The following NIBAN1 variants were observed in gnomAD, a reference collection of about 807,000 sequenced individuals.
The protein encoded by NIBAN1 is protein Niban 1.
A neutral mutation model predicts 75.1 loss-of-function variants in NIBAN1; 81 were observed. That is an observed-to-expected ratio of 1.08 (90% CI 0.90 to 1.30). The LOEUF is 1.30. Ranked by LOEUF, NIBAN1 falls within the 50% of genes most tolerant of loss-of-function variation. NIBAN1 has a pLI of 0.00. For missense variants in NIBAN1, 1,133 were observed against 1,128.1 expected (o/e 1.00, Z -0.06); for synonymous variants, 436 against 424.8 (o/e 1.03, Z -0.32).
At position 184,858,052 on chromosome 1, in the gene NIBAN1, A is replaced by G. The variant is rs551042688; in HGVS notation, c.602-26090T>C. On this transcript the variant is annotated intron_variant, in intron 5 of 13. Coordinates refer to ENST00000367511, the MANE Select transcript of NIBAN1 (RefSeq NM_052966.4). ...AAAAGCCATAAAAATAAAGATTAATATATTTGACTGCATAAAAATAGACAC... is the reference window on the plus strand; with the variant it reads ...AAAAGCCATAAAAATAAAGATTAATGTATTTGACTGCATAAAAATAGACAC... 2.6e-5 allele frequency among the ~76,000 whole-genome samples: 4 copies of G among 152,286 alleles called. No individual in the cohort carries two copies. The South Asian group carries it at 8.3e-4, about 32-fold the overall frequency.
intron 9 of NIBAN1, among the ~76,000 whole-genome samples, chr1:184,811,849 C>A (rs1042045344): frequency 1.3e-5 from 2 of 152,042 alleles, no homozygotes; most frequent in East Asian, 3.9e-4. Flanking sequence ...TGGCTAGGAA[C>A]GGTTTTGGCA....
chr1:184,974,238 C>A (rs950014601), intron 1 of NIBAN1, 64 bp downstream of exon 1: 67 of 1,422,450 alleles, frequency 4.7e-5, no homozygotes, highest in Non-Finnish European at 6.0e-5. Flanking sequence ...GGGGCCCCGA[C>A]CGCGGCAGCC....
chr1:184,921,329 A>G (rs1657527751), intron 1 of NIBAN1, among the ~76,000 whole-genome samples: 1 of 152,118 alleles, frequency 6.6e-6, no homozygotes, highest in Non-Finnish European at 1.5e-5. Flanking sequence ...TATCTAACAT[A>G]TAAAAAGACA....
intron 3 of NIBAN1, 126 bp downstream of exon 3, chr1:184,893,949 A>G (rs989887982): frequency 1.1e-6 from 1 of 947,386 alleles, no homozygotes; most frequent in South Asian, 2.0e-5. Flanking sequence ...ATCAGTCTCT[A>G]TTTTTGTACC....
chr1:184,870,194 T>G (rs1656069056), intron 5 of NIBAN1, among the ~76,000 whole-genome samples: 1 of 152,206 alleles, frequency 6.6e-6, no homozygotes. Flanking sequence ...TGCTAAAAGT[T>G]TTTATCTTTA....
At chr1:184,811,513 G>GT (rs55898062) in intron 9 of NIBAN1, among the ~76,000 whole-genome samples, 10,781 of 139,008 alleles carry the variant, frequency 0.078, 546 homozygotes, top group African/African-American at 0.12. Context: ...TTTTTTTTTT[G>GT]TTTTTTTTTT....
chr1:184,911,879 A>T (rs190122068), intron 1 of NIBAN1, among the ~76,000 whole-genome samples: 25 of 152,310 alleles, frequency 1.6e-4, no homozygotes, highest in African/African-American at 5.8e-4. Context: ...CCTACTACCC[A>T]GCTAAATAAA....
chr1:184,916,337 G>A (rs1409406493), intron 1 of NIBAN1, among the ~76,000 whole-genome samples: 1 of 152,184 alleles, frequency 6.6e-6, no homozygotes, highest in Non-Finnish European at 1.5e-5. Context: ...TACATGTAAT[G>A]CTAAAAGAAA....
At chr1:184,913,314 T>C (rs1024898053) in intron 1 of NIBAN1, among the ~76,000 whole-genome samples, 2 of 152,014 alleles carry the variant, frequency 1.3e-5, no homozygotes, top group Admixed American at 6.6e-5. Flanking sequence ...GCCACCATTA[T>C]CATAGGAGAT....
At chr1:184,879,795 C>A (rs1005918179) in intron 5 of NIBAN1, among the ~76,000 whole-genome samples, 2 of 152,196 alleles carry the variant, frequency 1.3e-5, no homozygotes, top group Non-Finnish European at 2.9e-5. Context: ...CCAATTCCAA[C>A]ACATAATCAC....
At chr1:184,919,531 C>T (rs1437742970) in intron 1 of NIBAN1, among the ~76,000 whole-genome samples, 1 of 152,156 alleles carries the variant, frequency 6.6e-6, no homozygotes, top group Non-Finnish European at 1.5e-5. Context: ...GTCTTAATAT[C>T]AGAAGTTATT....
chr1:184,939,694 C>T (rs2102046047), intron 1 of NIBAN1, among the ~76,000 whole-genome samples: 1 of 152,250 alleles, frequency 6.6e-6, no homozygotes. Flanking sequence ...GCTTTGCTTT[C>T]CTCATTTAGG....
rs775115262 is a variant in NIBAN1 at position 184,798,170 on chromosome 1, C to T, written c.1575G>A (p.Gln525=). 2 of 1,605,216 alleles carry T rather than the reference C, an allele frequency of 1.2e-6. No homozygotes were observed. The highest frequency in any genetic ancestry group is 1.7e-6 in the Non-Finnish European group (2 of 1,173,294). Residue 525 remains glutamine (Q), a synonymous_variant, in exon 13 of 14, where the codon CAG becomes CAA. Coordinates refer to ENST00000367511, the MANE Select transcript of NIBAN1 (RefSeq NM_052966.4). Reference sequence around the variant, plus strand: ...TATTGGTATGATCTGCAAAGATGAACTGCTCGTATTTCTGAAGCTCCTGGA... The same window carrying T: ...TATTGGTATGATCTGCAAAGATGAATTGCTCGTATTTCTGAAGCTCCTGGA... ...TCKPELQKYE[Q]FIFADHTNMI...
chr1:184,798,007 C>T (rs1470270497), intron 13 of NIBAN1, 72 bp downstream of exon 13: 9 of 888,550 alleles, frequency 1.0e-5, no homozygotes, highest in Non-Finnish European at 1.6e-5. Context: ...CCCTGACTGG[C>T]CTTACAGAGT....
chr1:184,918,998 TA>T (rs201928415), intron 1 of NIBAN1, among the ~76,000 whole-genome samples: 3 of 151,570 alleles, frequency 2.0e-5, no homozygotes, highest in Non-Finnish European at 1.5e-5. Context: ...TTTAAACTTG[TA>T]AAAAAAAACC....
At position 184,863,564 on chromosome 1, in the gene NIBAN1, C is replaced by T. The variant is rs1201792315; in HGVS notation, c.601+21069G>A. 5.9e-5 allele frequency among the ~76,000 whole-genome samples: 9 copies of T among 152,200 alleles called. No homozygotes were observed. In the East Asian group the frequency reaches 1.7e-3, roughly 29 times the overall value. ...GCAATTTCAGAATCTAGATTGCCTA[C>T]ATTTACAAGAGACACTTTTACCTTC... On this transcript the variant is annotated intron_variant, in intron 5 of 13. Coordinates refer to ENST00000367511, the MANE Select transcript of NIBAN1 (RefSeq NM_052966.4).
At chr1:184,945,989 C>T (rs774674617) in intron 1 of NIBAN1, among the ~76,000 whole-genome samples, 5 of 140,592 alleles carry the variant, frequency 3.6e-5, no homozygotes, top group African/African-American at 1.1e-4. Context: ...GATTTCAAAG[C>T]GCTGGGATTA....
chr1:184,795,061 C>A lies in NIBAN1; in HGVS notation c.2703G>T (p.Pro901=), dbSNP rs1264183081. The part of the protein sequence containing the change: ...CQWVVEDAPN[P]DVLLSHKDDV... ...CATCTTTGTGTGACAGCAGGACATC[C>A]GGGTTTGGAGCATCCTCCACCACCC... The change falls in exon 14 of 14, where the codon CCG becomes CCT. Residue 901 remains proline (P), a synonymous_variant. Transcript: ENST00000367511. The A allele has an allele frequency of 6.2e-7, 1 of 1,613,948 alleles. No individual in the cohort carries two copies. The highest frequency in any genetic ancestry group is 1.3e-5 in the African/African-American group (1 of 75,050).
chr1:184,834,689 C>T (rs1286732338), intron 5 of NIBAN1, among the ~76,000 whole-genome samples: 1 of 152,122 alleles, frequency 6.6e-6, no homozygotes. Flanking sequence ...CCTTTGCCCA[C>T]TTTTTGATGG....
Sources: gnomAD v4.1 joint callset for allele counts (sites outside exome capture counted in the v4.1 genomes callset) on GRCh38, gnomAD v4.1.1 for gene constraint, MANE v1.5 for transcripts, NCBI Gene and HGNC (gene_info 2026-07-23, HGNC 2026-07-21) for gene names.